HSPD1: variants seen among roughly 807,000 people sequenced by gnomAD.
The protein encoded by HSPD1 is heat shock protein family D (Hsp60) member 1.
A neutral mutation model predicts 53.0 loss-of-function variants in HSPD1; 3 were observed. The ratio of observed to expected loss-of-function variants is 0.06; its 90% confidence interval spans 0.03 to 0.15. HSPD1 has a LOEUF of 0.15. HSPD1 is among the 10% of genes least tolerant of loss of function. The pLI is 1.00. For synonymous variants in HSPD1, 200 were observed against 228.0 expected, an observed-to-expected ratio of 0.88 and a Z score of 1.10; for missense variants, 431 against 694.1, an observed-to-expected ratio of 0.62 and a Z score of 4.26.
In HSPD1 at chr2:197,497,037, A is replaced by G. The variant is rs1372328790; in HGVS notation, c.427+103T>C. On this transcript the variant is annotated intron_variant, in intron 3 of 11. Transcript: ENST00000388968. ...TCCAGGCCAAGAGGAGGAATGAGAG[A>G]AGGATTAATTTCCTCAAGTTAACAC... The G allele has an allele frequency of 1.5e-5, 17 of 1,166,192 alleles. No homozygotes were observed. In the Admixed American group the frequency reaches 2.1e-4, roughly 14 times the overall value. The allele number at this position is 1,166,192 out of a possible 1,614,324, so 72.2% of individuals were successfully genotyped here.
At chr2:197,490,415 GTTTTT>G (rs147990270) in intron 7 of HSPD1, 119 bp from the exon 8 acceptor site, 21 of 728,726 alleles carry the variant, frequency 2.9e-5, no homozygotes, top group Non-Finnish European at 4.5e-5. Context: ...TGGTTTTTGT[GTTTTT>G]TTGTTTTTTT....
chr2:197,489,911 C>G (rs1177567792), intron 8 of HSPD1, among the ~76,000 whole-genome samples: 1 of 149,578 alleles, frequency 6.7e-6, no homozygotes, highest in Non-Finnish European at 1.5e-5. Flanking sequence ...CAATATAGAT[C>G]AAGTCAAGAA....
rs146598485 is a variant in HSPD1 at position 197,494,660 on chromosome 2, T to C, written c.603A>G (p.Val201=). The change falls in exon 5 of 12, where the codon GTA becomes GTG. Residue 201 remains valine (V), a synonymous_variant. Coordinates refer to ENST00000388968, the MANE Select transcript of HSPD1 (RefSeq NM_002156.5). ...KKVGRKGVIT[V]KDGKTLNDEL... Reference sequence around the variant, plus strand: ...TTAAAAATACAAACACACTTGCCTTTACTGTGATGACACCCTTTCTTCCAA... The same window carrying C: ...TTAAAAATACAAACACACTTGCCTTCACTGTGATGACACCCTTTCTTCCAA... The C allele has an allele frequency of 9.5e-4, 1,503 of 1,578,598 alleles. 29 individuals carry two copies. In the East Asian group the frequency reaches 0.026, roughly 27 times the overall value.
At position 197,493,335 on chromosome 2, in the gene HSPD1, G is replaced by A. The variant is rs149856944; in HGVS notation, c.858C>T (p.Leu286=). ...EDVDGEALST[L]VLNRLKVGLQ... is the part of the protein sequence containing the mutation. ...CCACTGCTTATTACCTATTCAAGAC[G>A]AGTGTACTTAGAGCTTCTCCATCAA... The change falls in exon 7 of 12, where the codon CTC becomes CTT. Residue 286 remains leucine (L), a synonymous_variant. Coordinates refer to ENST00000388968, the MANE Select transcript of HSPD1 (RefSeq NM_002156.5). 9.9e-6 allele frequency: 16 copies of A among 1,612,336 alleles called. No homozygotes were observed. The Admixed American group carries it at 1.0e-4, about 10-fold the overall frequency.
Position 197,498,282 on chromosome 2 carries a change from A to C in HSPD1, c.174+393T>G, listed in dbSNP as rs75988349. On this transcript the variant is annotated intron_variant, in intron 2 of 11. Coordinates refer to ENST00000388968, the MANE Select transcript of HSPD1 (RefSeq NM_002156.5). ...TTTTACTACAATAAACCAAAAAAAA[A>C]TTTAGCATCTACAAGCACATACCTA... Among the ~76,000 whole-genome samples, 1,494 of 152,334 alleles carry C rather than the reference A, an allele frequency of 9.8e-3. 31 individuals are homozygous for C. Among genetic ancestry groups the C allele is most frequent in the African/African-American group, 0.034 (1,422 of 41,580 alleles).
chr2:197,494,632 T>C (rs748930817), intron 5 of HSPD1, 25 bp downstream of exon 5: 1 of 1,413,022 alleles, frequency 7.1e-7, no homozygotes, highest in East Asian at 2.3e-5. Context: ...CTCAAAATTA[T>C]CTTTAAAAAT....
chr2:197,496,620 C>G (rs2086160934), intron 3 of HSPD1, among the ~76,000 whole-genome samples: 1 of 152,158 alleles, frequency 6.6e-6, no homozygotes, highest in African/African-American at 2.4e-5. Flanking sequence ...TGAGGAGGAG[C>G]AAATTGTTAA....
intron 3 of HSPD1, among the ~76,000 whole-genome samples, chr2:197,496,398 T>C (rs2086157409): frequency 6.6e-6 from 1 of 152,184 alleles, no homozygotes; most frequent in African/African-American, 2.4e-5. Context: ...AATGATACAT[T>C]AGTAATGTAG....
intron 7 of HSPD1, chr2:197,490,613 G>A (rs1364815629): frequency 6.1e-6 from 2 of 326,840 alleles, no homozygotes; most frequent in Admixed American, 4.6e-5. Context: ...GGTGGATCAC[G>A]AGGTCAGGAG....
chr2:197,493,399 T>C lies in HSPD1; in HGVS notation c.794A>G (p.Asn265Ser), dbSNP rs149003485. 149 of 1,613,894 alleles carry C rather than the reference T, an allele frequency of 9.2e-5. No individual in the cohort carries two copies. The Middle Eastern group carries it at 1.5e-3, about 16-fold the overall frequency. The change falls in exon 7 of 12, where the codon AAT (asparagine) becomes AGT (serine). Residue 265 changes from asparagine to serine, a missense_variant. This residue lies in a region of HSPD1 where 386 missense variants were observed against 657.6 expected (regional missense o/e 0.59). Coordinates refer to ENST00000388968, the MANE Select transcript of HSPD1 (RefSeq NM_002156.5). ...QSIVPALEIA[N>S]AHRKPLVIIA... ...TATGACCAAAGGCTTACGGTGAGCA[T>C]TGGCAATTTCAAGAGCAGGTACAAT...
chr2:197,498,398 T>A (rs2086187524), intron 2 of HSPD1, among the ~76,000 whole-genome samples: 1 of 152,214 alleles, frequency 6.6e-6, no homozygotes, highest in Non-Finnish European at 1.5e-5. Flanking sequence ...GCCAGCGAAA[T>A]TCTACCTCGA....
chr2:197,493,907 G>A (rs1330078085), intron 6 of HSPD1, among the ~76,000 whole-genome samples: 5 of 152,182 alleles, frequency 3.3e-5, no homozygotes, highest in African/African-American at 4.8e-5. Context: ...TAAGAGACCA[G>A]CCTGGCCAAC....
chr2:197,490,050 T>G (rs1454583627), intron 8 of HSPD1, 147 bp downstream of exon 8: 4 of 703,484 alleles, frequency 5.7e-6, no homozygotes, highest in African/African-American at 3.5e-5. Context: ...TTGTGGCAAA[T>G]TAACGGGAAT....
intron 9 of HSPD1, 36 bp from the exon 10 acceptor site, chr2:197,488,527 T>C (rs2086053772): frequency 6.3e-7 from 1 of 1,578,118 alleles, no homozygotes; most frequent in African/African-American, 1.3e-5. Context: ...GTATGGCCTC[T>C]TCATTCAAGA....
chr2:197,489,485 C>T (rs1385128425), intron 8 of HSPD1, among the ~76,000 whole-genome samples: 1 of 152,124 alleles, frequency 6.6e-6, no homozygotes, highest in East Asian at 1.9e-4. Flanking sequence ...AAAAAAACAT[C>T]GAAGGTCACA....
chr2:197,496,268 A>G (rs2086155967), intron 3 of HSPD1, among the ~76,000 whole-genome samples: 1 of 152,218 alleles, frequency 6.6e-6, no homozygotes, highest in South Asian at 2.1e-4. Flanking sequence ...AAAAAAATCC[A>G]ATGCAAGGTG....
chr2:197,490,423 G>GTTTTTTTTTT, intron 7 of HSPD1, 127 bp from the exon 8 acceptor site: 2 of 579,058 alleles, frequency 3.5e-6, no homozygotes, highest in Non-Finnish European at 6.1e-6. Flanking sequence ...GTGTTTTTTT[G>GTTTTTTTTTT]TTTTTTTTTT....
chr2:197,495,355 G>C lies in HSPD1; in HGVS notation c.449C>G (p.Ala150Gly). ...CTGCTTTTTAAGTTCAGCAATTACA[G>C]CATCAACAGCTAACATCACACCTAG... Reference protein sequence around the residue: ...IRRGVMLAVDAVIAELKKQSK... With the variant: ...IRRGVMLAVDGVIAELKKQSK... The change falls in exon 4 of 12, where the codon GCT becomes GGT. Residue 150 changes from alanine to glycine, a missense_variant. Coordinates refer to ENST00000388968, the MANE Select transcript of HSPD1 (RefSeq NM_002156.5). The C allele has an allele frequency of 1.2e-6, 2 of 1,606,802 alleles. No individual in the cohort carries two copies. Among genetic ancestry groups the C allele is most frequent in the Non-Finnish European group, 1.7e-6 (2 of 1,173,546 alleles).
rs2086129761 is a variant in HSPD1 at position 197,494,256 on chromosome 2, A to G, written c.607-6T>C. On this transcript the variant is annotated splice_region_variant and splice_polypyrimidine_tract_variant and intron_variant, in intron 5 of 11. Coordinates refer to ENST00000388968, the MANE Select transcript of HSPD1 (RefSeq NM_002156.5). ...TCATTCAGTGTTTTTCCATCCTATG[A>G]AAAGTCAAAGAATTAGGTATATGGA... The G allele has an allele frequency of 7.1e-7, 1 of 1,413,770 alleles. No homozygotes were observed. Among genetic ancestry groups the G allele is most frequent in the Non-Finnish European group, 1.0e-6 (1 of 997,304 alleles). 87.6% of individuals were successfully genotyped at this position (1,413,770 alleles called of 1,614,324 possible). A position where few individuals can be genotyped will look rare whatever the true frequency, so the allele number is the denominator to read the frequency against.
Sources: gnomAD v4.1 joint callset for allele counts (sites outside exome capture counted in the v4.1 genomes callset) on GRCh38, gnomAD v4.1.1 for gene constraint, gnomAD v4.1.1 regional missense constraint, MANE v1.5 for transcripts, NCBI Gene and HGNC (gene_info 2026-07-23, HGNC 2026-07-21) for gene names.